Variants in FLRT2 observed in about 807,000 individuals in gnomAD.
FLRT2 encodes fibronectin leucine rich transmembrane protein 2.
In FLRT2, 15 loss-of-function variants were observed where a neutral mutation model predicts 40.0. The ratio of observed to expected loss-of-function variants is 0.38; its 90% CI spans 0.25 to 0.58. FLRT2 has a LOEUF of 0.58. Ranked by LOEUF, FLRT2 falls within the 20% of genes least tolerant of loss-of-function variation. The pLI, the probability that FLRT2 is intolerant of heterozygous loss-of-function variation, is 0.71. For missense variants in FLRT2, 726 were observed against 840.0 expected, an observed-to-expected ratio of 0.86 and a Z score of 1.68; for synonymous variants, 380 against 336.8, an observed-to-expected ratio of 1.13 and a Z score of -1.41.
At chr14:85,596,133 G>C (rs1037078921) in intron 1 of FLRT2, among the ~76,000 whole-genome samples, 1 of 152,156 alleles carries the variant, frequency 6.6e-6, no homozygotes, top group Non-Finnish European at 1.5e-5. Flanking sequence ...AACAAACAAT[G>C]ACTCCCTGCA....
At chr14:85,568,975 A>G (rs1349770262) in intron 1 of FLRT2, among the ~76,000 whole-genome samples, 2 of 152,048 alleles carry the variant, frequency 1.3e-5, no homozygotes, top group South Asian at 2.1e-4. Context: ...CTGCCAATCT[A>G]TCTTTTATTT....
intron 1 of FLRT2, among the ~76,000 whole-genome samples, chr14:85,588,654 C>T (rs1028091409): frequency 6.6e-6 from 1 of 151,918 alleles, no homozygotes. Context: ...TTAAAATGTA[C>T]GGTTAAGTTA....
At chr14:85,590,090 A>T in intron 1 of FLRT2, among the ~76,000 whole-genome samples, 1 of 149,394 alleles carries the variant, frequency 6.7e-6, no homozygotes. Context: ...AACATTATAG[A>T]CCTTTTGAGC....
At chr14:85,576,522 C>G (rs1013289129) in intron 1 of FLRT2, among the ~76,000 whole-genome samples, 2 of 152,338 alleles carry the variant, frequency 1.3e-5, no homozygotes, top group South Asian at 2.1e-4. Flanking sequence ...GCTTTCAACA[C>G]CTTCTTCTCC....
At chr14:85,604,696 T>C (rs1892530423) in intron 1 of FLRT2, among the ~76,000 whole-genome samples, 1 of 152,182 alleles carries the variant, frequency 6.6e-6, no homozygotes, top group Non-Finnish European at 1.5e-5. Context: ...TTTTTGAAAT[T>C]GGACTAATGG....
chr14:85,631,008 G>A lies in FLRT2; in HGVS notation c.*7511G>A, dbSNP rs1893854562. On this transcript the variant is annotated 3_prime_UTR_variant, in exon 2 of 2. Transcript: ENST00000330753. The stretch of plus-strand genomic sequence containing the variant: ...AATTCAAACTCTTTGTGTGACTTAT[G>A]TATCCTACTACATGTTGCTCCCTGA... The A allele has an allele frequency of 6.6e-6, 1 of 150,520 alleles. No individual in the cohort carries two copies. Among genetic ancestry groups the A allele is most frequent in the African/African-American group, 2.4e-5 (1 of 40,870 alleles). The allele number at this position is 150,520 out of a possible 1,614,324, so 9.3% of individuals were successfully genotyped here.
In FLRT2 at chr14:85,637,166, T is replaced by A. The variant is rs551787460; in HGVS notation, c.*13669T>A. 2 of 152,270 alleles carry A rather than the reference T, an allele frequency of 1.3e-5. No homozygotes were observed. The highest frequency in any genetic ancestry group is 4.1e-4 in the South Asian group (2 of 4,826). The allele number at this position is 152,270 out of a possible 1,614,324, so 9.4% of individuals were successfully genotyped here. On this transcript the variant is annotated 3_prime_UTR_variant, in exon 2 of 2. Transcript: ENST00000330753. ...TACAAATGTAACTAATCAAGTGTAA[T>A]TTATAAACTATAAAAAATTTTCATC... is the stretch of plus-strand genomic sequence containing the variant.
At chr14:85,573,620 A>C (rs72691301) in intron 1 of FLRT2, among the ~76,000 whole-genome samples, 4 of 152,240 alleles carry the variant, frequency 2.6e-5, no homozygotes, top group Admixed American at 6.5e-5. Flanking sequence ...AAGACACAGG[A>C]TGTGAGGAGG....
At chr14:85,564,347 A>G (rs1595030339) in intron 1 of FLRT2, among the ~76,000 whole-genome samples, 1 of 152,206 alleles carries the variant, frequency 6.6e-6, no homozygotes, top group African/African-American at 2.4e-5. Context: ...ATTTGGGAGT[A>G]TTAAAAGAAA....
At chr14:85,549,661 GA>G (rs1889492519) in intron 1 of FLRT2, among the ~76,000 whole-genome samples, 1 of 152,102 alleles carries the variant, frequency 6.6e-6, no homozygotes, top group Non-Finnish European at 1.5e-5. Flanking sequence ...TTTCAGTAGA[GA>G]AAAAATAATA....
chr14:85,535,911 TTTTTTTTTTTG>T (rs1888625292), intron 1 of FLRT2, among the ~76,000 whole-genome samples: 2 of 82,110 alleles, frequency 2.4e-5, no homozygotes, highest in Non-Finnish European at 2.3e-5. Flanking sequence ...TTTTTTTTTT[TTTTTTTTTTTG>T]TTGTTGTTGT....
intron 1 of FLRT2, among the ~76,000 whole-genome samples, chr14:85,619,777 C>G (rs1329942940): frequency 6.6e-6 from 1 of 152,128 alleles, no homozygotes; most frequent in East Asian, 1.9e-4. Context: ...AAATCTGGCA[C>G]CTTTCAATTA....
chr14:85,633,600 A>T lies in FLRT2; in HGVS notation c.*10103A>T, dbSNP rs969209786. ...GATTGCTTGAGGTCAGGATTTCCAGACCAGCCTGGGCAATGCAGTGAGACC... is the reference window on the plus strand; with the variant it reads ...GATTGCTTGAGGTCAGGATTTCCAGTCCAGCCTGGGCAATGCAGTGAGACC... On this transcript the variant is annotated 3_prime_UTR_variant, in exon 2 of 2. Transcript: ENST00000330753. The T allele has an allele frequency of 6.6e-6, 1 of 151,294 alleles. No homozygotes were observed. Among genetic ancestry groups the T allele is most frequent in the African/African-American group, 2.4e-5 (1 of 41,180 alleles). 9.4% of individuals were successfully genotyped at this position (151,294 alleles called of 1,614,324 possible).
chr14:85,534,373 A>C (rs1042524822), intron 1 of FLRT2, among the ~76,000 whole-genome samples: 7 of 152,178 alleles, frequency 4.6e-5, no homozygotes, highest in African/African-American at 7.2e-5. Context: ...AAATGATTTG[A>C]GCCCACTCCC....
chr14:85,557,565 C>T (rs1412103481), intron 1 of FLRT2, among the ~76,000 whole-genome samples: 2 of 152,120 alleles, frequency 1.3e-5, no homozygotes, highest in African/African-American at 2.4e-5. Flanking sequence ...AATCCCAGCA[C>T]TTTGGGAGGC....
chr14:85,557,574 G>T (rs535755842), intron 1 of FLRT2, among the ~76,000 whole-genome samples: 1 of 152,196 alleles, frequency 6.6e-6, no homozygotes, highest in African/African-American at 2.4e-5. Context: ...ACTTTGGGAG[G>T]CTGAGGCAGG....
chr14:85,584,561 GC>G (rs1052171360), intron 1 of FLRT2, among the ~76,000 whole-genome samples: 162 of 152,206 alleles, frequency 1.1e-3, no homozygotes, highest in Non-Finnish European at 1.9e-3. Context: ...ATGACAGTAT[GC>G]CCCCCAGAGC....
At chr14:85,532,720 G>A (rs933313057) in intron 1 of FLRT2, among the ~76,000 whole-genome samples, 3 of 152,198 alleles carry the variant, frequency 2.0e-5, no homozygotes, top group African/African-American at 7.2e-5. Flanking sequence ...TCCAGGATGA[G>A]GGAACTAGTG....
At chr14:85,531,929 G>A (rs1254430559) in intron 1 of FLRT2, among the ~76,000 whole-genome samples, 4 of 152,204 alleles carry the variant, frequency 2.6e-5, no homozygotes, top group Non-Finnish European at 5.9e-5. Flanking sequence ...CGTGCGTCTG[G>A]GTGGATCCTT....
Sources: allele counts gnomAD v4.1 joint callset (sites outside exome capture counted in the v4.1 genomes callset), GRCh38; gene constraint gnomAD v4.1.1; transcripts MANE v1.5; gene names NCBI Gene and HGNC (gene_info 2026-07-23, HGNC 2026-07-21).